Variants in ADAM12 observed in about 807,000 individuals in gnomAD.
ADAM12 encodes ADAM metallopeptidase domain 12.
In ADAM12, 70 loss-of-function variants were observed where a neutral mutation model predicts 106.4. That is an observed-to-expected ratio of 0.66 (90% confidence interval 0.54 to 0.80). The LOEUF (loss-of-function observed/expected upper bound fraction) is 0.80, where lower values mean the gene tolerates loss of function less well. ADAM12 is among the 30% of genes least tolerant of loss of function. The pLI, the probability that ADAM12 is intolerant of heterozygous loss-of-function variation, is 0.00. For synonymous variants in ADAM12, 420 were observed against 433.5 expected, an observed-to-expected ratio of 0.97 and a Z score of 0.39; for missense variants, 1,010 against 1,171.9, an observed-to-expected ratio of 0.86 and a Z score of 2.02.
chr10:126,332,069 A>G (rs531830881), intron 1 of ADAM12, among the ~76,000 whole-genome samples: 1 of 151,586 alleles, frequency 6.6e-6, no homozygotes, highest in African/African-American at 2.4e-5. Context: ...AGGAAGACGC[A>G]CCCTGCAGCA....
chr10:126,159,945 G>A (rs1427098824), intron 3 of ADAM12, among the ~76,000 whole-genome samples: 1 of 152,160 alleles, frequency 6.6e-6, no homozygotes, highest in Non-Finnish European at 1.5e-5. Context: ...AAGGAGAGTG[G>A]AACAGGGGCT....
rs1303924214 is a variant in ADAM12, at chr10:126,043,016, C to A, written c.2104+24G>T. On this transcript the variant is annotated intron_variant, in intron 18 of 22. Coordinates refer to ENST00000448723, the MANE Select transcript of ADAM12 (RefSeq NM_001288973.2). This position sits in a 1 kb window ranked among gnomAD's most constrained non-coding sequence, Gnocchi z 4.1. Reference sequence around the variant, plus strand: ...CCCCCAGGTGCTCAGCCTCCTCCCACCGGGATGCAGGGGCTTCACTGACCT... The same window carrying A: ...CCCCCAGGTGCTCAGCCTCCTCCCAACGGGATGCAGGGGCTTCACTGACCT... 2 of 1,610,854 alleles carry A rather than the reference C, an allele frequency of 1.2e-6. No homozygotes were observed. Among genetic ancestry groups the A allele is most frequent in the Non-Finnish European group, 1.7e-6 (2 of 1,178,342 alleles).
intron 3 of ADAM12, among the ~76,000 whole-genome samples, chr10:126,265,692 C>T (rs1479515384): frequency 6.6e-6 from 1 of 152,120 alleles, no homozygotes; most frequent in Admixed American, 6.5e-5. Context: ...AGGATGAAAT[C>T]AGCAAATTGA....
chr10:126,113,733 A>T (rs1250135099), intron 6 of ADAM12, among the ~76,000 whole-genome samples: 2 of 83,966 alleles, frequency 2.4e-5, no homozygotes, highest in East Asian at 8.4e-4. Context: ...TATATATATA[A>T]TATATTGCTC....
chr10:126,208,471 G>T (rs79436049), intron 3 of ADAM12, among the ~76,000 whole-genome samples: 2,627 of 152,242 alleles, frequency 0.017, 113 homozygotes, highest in East Asian at 0.087. Context: ...AAATTCATAT[G>T]CAATTGTACA....
At chr10:126,288,934 G>T (rs962305594) in intron 2 of ADAM12, among the ~76,000 whole-genome samples, 2 of 151,350 alleles carry the variant, frequency 1.3e-5, no homozygotes, top group Non-Finnish European at 3.0e-5. Context: ...GGACAGGACC[G>T]CATGATGACA....
chr10:126,289,953 G>A (rs888833253), intron 2 of ADAM12, among the ~76,000 whole-genome samples: 2 of 152,170 alleles, frequency 1.3e-5, no homozygotes, highest in Admixed American at 1.3e-4. Context: ...ACCTTACTTG[G>A]CAAAAGGGAC....
intron 2 of ADAM12, among the ~76,000 whole-genome samples, chr10:126,320,839 T>C (rs1424175902): frequency 6.6e-6 from 1 of 152,230 alleles, no homozygotes; most frequent in Non-Finnish European, 1.5e-5. Flanking sequence ...ACAAATGAAC[T>C]ACACAAAGAT....
chr10:126,363,023 T>C (rs999485454), intron 1 of ADAM12, among the ~76,000 whole-genome samples: 3 of 152,224 alleles, frequency 2.0e-5, no homozygotes, highest in African/African-American at 4.8e-5. Context: ...GTTGTATTTA[T>C]AAATCATAAC....
In ADAM12 at chr10:126,035,247, C is replaced by T. The variant is rs998207117; in HGVS notation, c.2529+899G>A. Among the ~76,000 whole-genome samples the T allele has an allele frequency of 3.3e-5, 5 of 152,112 alleles. No homozygotes were observed. The East Asian group carries it at 9.6e-4, about 29-fold the overall frequency. ...TATTATGAGGCTTAAAATGGTCATA[C>T]AATCTTTCAACCCAATATTTTACTT... On this transcript the variant is annotated intron_variant, in intron 21 of 22. Coordinates refer to ENST00000448723, the MANE Select transcript of ADAM12 (RefSeq NM_001288973.2).
intron 4 of ADAM12, 75 bp from the exon 5 acceptor site, chr10:126,135,735 T>C: frequency 2.3e-6 from 3 of 1,289,844 alleles, no homozygotes; most frequent in Non-Finnish European, 1.1e-6. Context: ...CAACTGCCTC[T>C]TGTTTTTAAC....
At chr10:126,023,517 T>C (rs7924017) in intron 21 of ADAM12, among the ~76,000 whole-genome samples, 34,478 of 152,174 alleles carry the variant, frequency 0.23, 4,510 homozygotes, top group East Asian at 0.33. Flanking sequence ...TCAAGACATA[T>C]GGGCAGAAAC....
At chr10:126,161,780 T>C (rs1956940357) in intron 3 of ADAM12, among the ~76,000 whole-genome samples, 4 of 152,248 alleles carry the variant, frequency 2.6e-5, no homozygotes, top group Middle Eastern at 6.8e-3. Flanking sequence ...GGATGGACAA[T>C]GGCAGTATTG....
chr10:126,072,173 C>T (rs989793666), intron 11 of ADAM12, among the ~76,000 whole-genome samples: 7 of 152,170 alleles, frequency 4.6e-5, no homozygotes, highest in African/African-American at 9.7e-5. Flanking sequence ...GGCCAAGTCC[C>T]TATCTTCCCC....
intron 3 of ADAM12, among the ~76,000 whole-genome samples, chr10:126,196,268 T>C (rs1957595681): frequency 6.6e-6 from 1 of 152,224 alleles, no homozygotes; most frequent in South Asian, 2.1e-4. Flanking sequence ...GCAAGTGATA[T>C]CTGTCAGGCA....
rs2133852581 is a variant in ADAM12, at chr10:126,221,204, T to C, written c.260+57711A>G. On this transcript the variant is annotated intron_variant, in intron 3 of 22. Transcript: ENST00000448723. ...TTCGAGACCAGCCTGGCCAATATGG[T>C]GAAACCCCGTCTCTACTAAAAATAC... 1.3e-5 allele frequency among the ~76,000 whole-genome samples: 2 copies of C among 152,068 alleles called. 1 individual carries two copies. Among genetic ancestry groups the C allele is most frequent in the South Asian group, 4.2e-4 (2 of 4,812 alleles).
intron 3 of ADAM12, among the ~76,000 whole-genome samples, chr10:126,172,863 C>T (rs908203218): frequency 6.6e-6 from 1 of 152,136 alleles, no homozygotes; most frequent in Non-Finnish European, 1.5e-5. Context: ...AACCCAAATG[C>T]CCATCAATGA....
At chr10:126,378,076 G>A (rs1202340051) in intron 1 of ADAM12, among the ~76,000 whole-genome samples, 1 of 152,136 alleles carries the variant, frequency 6.6e-6, no homozygotes, top group East Asian at 1.9e-4. Context: ...AGAGTCTTTA[G>A]TAATGAGAAA....
At chr10:126,085,658 G>C (rs1955324478) in intron 11 of ADAM12, among the ~76,000 whole-genome samples, 1 of 151,714 alleles carries the variant, frequency 6.6e-6, no homozygotes, top group Non-Finnish European at 1.5e-5. Context: ...TTGTCTGTCT[G>C]TCCATCCGTC....
Sources: allele counts gnomAD v4.1 joint callset (sites outside exome capture counted in the v4.1 genomes callset), GRCh38; gene constraint gnomAD v4.1.1; non-coding constraint Gnocchi (gnomAD v3.1); transcripts MANE v1.5; gene names NCBI Gene and HGNC (gene_info 2026-07-23, HGNC 2026-07-21).